Variants in RNF121 observed in about 807,000 individuals in gnomAD.
RNF121 encodes the protein ring finger protein 121.
RNF121 carries 21 observed loss-of-function variants against 46.5 expected under a neutral mutation model. That is an observed-to-expected ratio of 0.45 (90% CI 0.32 to 0.65). The LOEUF (loss-of-function observed/expected upper bound fraction) is 0.65. RNF121 is among the 30% of genes least tolerant of loss of function. The pLI, the probability that RNF121 is intolerant of heterozygous loss-of-function variation, is 0.04. For missense variants in RNF121, 346 were observed against 416.0 expected (o/e 0.83, Z 1.46); for synonymous variants, 139 against 144.7 (o/e 0.96, Z 0.28).
chr11:71,933,224 G>C (rs890324775), intron 1 of RNF121, among the ~76,000 whole-genome samples: 5 of 152,160 alleles, frequency 3.3e-5, no homozygotes, highest in African/African-American at 1.2e-4. Flanking sequence ...ATACCCAATA[G>C]GGCCAGCCAG....
chr11:71,949,166 C>T (rs1953801910), intron 1 of RNF121, among the ~76,000 whole-genome samples: 2 of 152,124 alleles, frequency 1.3e-5, no homozygotes, highest in South Asian at 2.1e-4. Flanking sequence ...GCCTGTAATC[C>T]TAGCACTTTG....
rs547564387 is a variant in RNF121, at chr11:71,943,397, G to T, written c.64-13830G>T. Reference sequence around the variant, plus strand: ...TTGGACGTTGTTCTGGGACTCTGAAGATCTGGCTTTTTATCCTAGCTCTGC... The same window carrying T: ...TTGGACGTTGTTCTGGGACTCTGAATATCTGGCTTTTTATCCTAGCTCTGC... On this transcript the variant is annotated intron_variant, in intron 1 of 8. Transcript: ENST00000361756. Among the ~76,000 whole-genome samples the T allele has an allele frequency of 2.0e-5, 3 of 152,344 alleles. No homozygotes were observed. The South Asian group carries it at 6.2e-4, about 32-fold the overall frequency.
At chr11:71,978,642 TA>T (rs1954584474) in intron 3 of RNF121, among the ~76,000 whole-genome samples, 1 of 152,234 alleles carries the variant, frequency 6.6e-6, no homozygotes, top group African/African-American at 2.4e-5. Flanking sequence ...GTTTTATACA[TA>T]TTACTTCCAT....
At chr11:71,935,897 G>A (rs1177169740) in intron 1 of RNF121, among the ~76,000 whole-genome samples, 1 of 135,994 alleles carries the variant, frequency 7.4e-6, no homozygotes. Context: ...GTCCAGGCTA[G>A]AGTGCAGTGG....
At chr11:71,939,933 A>G (rs528696748) in intron 1 of RNF121, among the ~76,000 whole-genome samples, 1 of 152,354 alleles carries the variant, frequency 6.6e-6, no homozygotes, top group South Asian at 2.1e-4. Context: ...TATGAGGAGT[A>G]GAGTTATAAA....
chr11:71,942,773 T>TATATATATATATATATAG (rs1953609649), intron 1 of RNF121, among the ~76,000 whole-genome samples: 5 of 11,462 alleles, frequency 4.4e-4, no homozygotes, highest in African/African-American at 7.6e-4. Flanking sequence ...TATATATCTG[T>TATATATATATATATATAG]ATATATATAT....
chr11:71,943,153 G>A (rs149557083), intron 1 of RNF121, among the ~76,000 whole-genome samples: 1 of 152,310 alleles, frequency 6.6e-6, no homozygotes, highest in African/African-American at 2.4e-5. Flanking sequence ...CAGAGACGAT[G>A]GAGAAAAGTG....
At chr11:71,948,242 G>A (rs759492115) in intron 1 of RNF121, among the ~76,000 whole-genome samples, 1 of 152,068 alleles carries the variant, frequency 6.6e-6, no homozygotes, top group Non-Finnish European at 1.5e-5. Context: ...TTGGCCAGGT[G>A]CGGTGGCTCA....
At chr11:71,994,896 G>T (rs1159667459) in intron 7 of RNF121, 44 bp downstream of exon 7, 1 of 1,612,434 alleles carries the variant, frequency 6.2e-7, no homozygotes, top group South Asian at 1.1e-5. Flanking sequence ...CCTGCAATCT[G>T]CACACTGTAG....
At chr11:71,968,888 C>CTTTCTT (rs1554989201) in intron 3 of RNF121, among the ~76,000 whole-genome samples, 1 of 134,644 alleles carries the variant, frequency 7.4e-6, no homozygotes, top group Non-Finnish European at 1.5e-5. Flanking sequence ...TTCTTTCTTT[C>CTTTCTT]TTTTTTTTTT....
At position 71,987,305 on chromosome 11, in the gene RNF121, A is replaced by G. The variant is rs543419469; in HGVS notation, c.506+194A>G. Among the ~76,000 whole-genome samples, 4 of 152,334 alleles carry G rather than the reference A, an allele frequency of 2.6e-5. No individual in the cohort carries two copies. In the South Asian group the frequency reaches 8.3e-4, roughly 32 times the overall value. ...GGCAGAAAGCAAGGAATGTCTGAAT[A>G]TATACAAAGTCAGAGTCCTAAATCA... On this transcript the variant is annotated intron_variant, in intron 5 of 8. Transcript: ENST00000361756.
At chr11:71,977,279 C>T (rs1227161537) in intron 3 of RNF121, among the ~76,000 whole-genome samples, 1 of 152,172 alleles carries the variant, frequency 6.6e-6, no homozygotes, top group Non-Finnish European at 1.5e-5. Flanking sequence ...TCAAAAGTGC[C>T]AAGCACCTGT....
chr11:71,960,776 A>G lies in RNF121; in HGVS notation c.128A>G (p.Lys43Arg), dbSNP rs370960988. The G allele has an allele frequency of 8.6e-5, 138 of 1,613,968 alleles. No individual in the cohort carries two copies. The highest frequency in any genetic ancestry group is 4.7e-4 in the East Asian group (21 of 44,886). ...WRVEHARMHA[K>R]HRGHEAMHAE... ...GTCGAGCACGCACGCATGCATGCCA[A>G]GCACCGTGGCCATGAAGCTATGCAT... Residue 43 changes from lysine to arginine, a missense_variant, in exon 3 of 9, where the codon AAG becomes AGG. Coordinates refer to ENST00000361756, the MANE Select transcript of RNF121 (RefSeq NM_018320.5).
At chr11:71,990,397 A>G (rs769582313) in intron 5 of RNF121, among the ~76,000 whole-genome samples, 200 bp from the exon 6 acceptor site, 12 of 152,236 alleles carry the variant, frequency 7.9e-5, no homozygotes, top group Non-Finnish European at 1.5e-4. Flanking sequence ...CACAGCCTAC[A>G]GTGCTAGCTA....
At chr11:71,970,429 G>A (rs1954396329) in intron 3 of RNF121, among the ~76,000 whole-genome samples, 1 of 152,152 alleles carries the variant, frequency 6.6e-6, no homozygotes, top group African/African-American at 2.4e-5. Context: ...GGAAGACTAA[G>A]GTGGAAGGAT....
At chr11:71,937,546 AC>A (rs1460933786) in intron 1 of RNF121, among the ~76,000 whole-genome samples, 1 of 152,184 alleles carries the variant, frequency 6.6e-6, no homozygotes, top group Non-Finnish European at 1.5e-5. Flanking sequence ...CAGAAAATGG[AC>A]ACCAGTGTGT....
chr11:71,940,295 A>G (rs1193673288), intron 1 of RNF121, among the ~76,000 whole-genome samples: 1 of 152,230 alleles, frequency 6.6e-6, no homozygotes, highest in East Asian at 1.9e-4. Flanking sequence ...TTGGAAAGAT[A>G]GTGGCCATAA....
chr11:71,938,474 C>G (rs576784300), intron 1 of RNF121, among the ~76,000 whole-genome samples: 2 of 151,980 alleles, frequency 1.3e-5, no homozygotes, highest in African/African-American at 4.8e-5. Flanking sequence ...CATGTGCCCC[C>G]ACGCCTGGCT....
In RNF121 at chr11:71,929,052, A is replaced by C; in HGVS notation, c.-10A>C. Reference sequence around the variant, plus strand: ...GCGCGGGGACTGCGGTGAGGGGGCGAGCCGTGAAGATGGCGGCAGTGGTGG... The same window carrying C: ...GCGCGGGGACTGCGGTGAGGGGGCGCGCCGTGAAGATGGCGGCAGTGGTGG... On this transcript the variant is annotated 5_prime_UTR_variant, in exon 1 of 9. Transcript: ENST00000361756. The C allele has an allele frequency of 6.4e-7, 1 of 1,551,010 alleles. No individual in the cohort carries two copies. The highest frequency in any genetic ancestry group is 8.7e-7 in the Non-Finnish European group (1 of 1,146,952).
Sources: allele counts gnomAD v4.1 joint callset (sites outside exome capture counted in the v4.1 genomes callset), GRCh38; gene constraint gnomAD v4.1.1; transcripts MANE v1.5; gene names NCBI Gene and HGNC (gene_info 2026-07-23, HGNC 2026-07-21).